ARSG: variants seen among roughly 807,000 people sequenced by gnomAD.
ARSG encodes the protein ASG.
In ARSG, 37 loss-of-function variants were observed where a neutral mutation model predicts 50.5. The observed-to-expected ratio is 0.73, with a 90% CI of 0.56 to 0.96. The LOEUF (loss-of-function observed/expected upper bound fraction) is 0.96. Ranked by LOEUF, ARSG falls within the 50% of genes least tolerant of loss-of-function variation. The probability of loss-of-function intolerance (pLI) is 0.00; values close to 1 mark genes in which losing one functional copy is unlikely to be tolerated. For missense variants in ARSG, 629 were observed against 675.3 expected, an observed-to-expected ratio of 0.93 and a Z score of 0.76; for synonymous variants, 225 against 254.6, an observed-to-expected ratio of 0.88 and a Z score of 1.11.
chr17:68,409,428 T>A (rs2081902671), intron 11 of ARSG, among the ~76,000 whole-genome samples: 1 of 150,660 alleles, frequency 6.6e-6, no homozygotes. Flanking sequence ...GATCAGATAG[T>A]TGTAGATATG....
chr17:68,438,864 T>C, the ARSG span, among the ~76,000 whole-genome samples: 2 of 152,272 alleles, frequency 1.3e-5, no homozygotes, highest in African/African-American at 4.8e-5. Flanking sequence ...CCTCCCAAAG[T>C]GCTGGGATTA....
At position 68,278,031 on chromosome 17, in the gene ARSG, T is replaced by C. The variant is rs570078233; in HGVS notation, c.-552+18605T>C. 41 of 1,168,810 alleles carry C rather than the reference T, an allele frequency of 3.5e-5. No homozygotes were observed. In the Admixed American group the frequency reaches 7.4e-4, roughly 21 times the overall value. The allele number at this position is 1,168,810 out of a possible 1,614,324, so 72.4% of individuals were successfully genotyped here. On this transcript the variant is annotated intron_variant, in intron 1 of 11. Coordinates refer to the ARSG transcript ENST00000448504. ...AACACATCGACTACCATTACCAAGG[T>C]AGCCAAATTAAAAGGGCCCTATACT...
chr17:68,324,069 TC>T (rs2077402103), intron 2 of ARSG, among the ~76,000 whole-genome samples: 1 of 27,750 alleles, frequency 3.6e-5, no homozygotes, highest in African/African-American at 1.5e-4. Flanking sequence ...CAAAACTCCA[TC>T]AAAAAAAAAA....
chr17:68,282,408 C>T (rs1410826474), intron 1 of ARSG, among the ~76,000 whole-genome samples: 20 of 151,572 alleles, frequency 1.3e-4, no homozygotes, highest in Admixed American at 1.3e-3. Flanking sequence ...TGTTAAATGA[C>T]GAGTTAATGG....
At chr17:68,391,910 A>G (rs2081010531) in intron 9 of ARSG, among the ~76,000 whole-genome samples, 1 of 152,202 alleles carries the variant, frequency 6.6e-6, no homozygotes, top group African/African-American at 2.4e-5. Flanking sequence ...ACTGTAGTCA[A>G]TGGAGAGATT....
At chr17:68,279,527 A>G (rs984912799) in intron 1 of ARSG, among the ~76,000 whole-genome samples, 1 of 152,074 alleles carries the variant, frequency 6.6e-6, no homozygotes, top group Admixed American at 6.6e-5. Context: ...ACATGATGAT[A>G]CTCTAGAATA....
chr17:68,345,028 A>G (rs183713159), intron 3 of ARSG, among the ~76,000 whole-genome samples: 102 of 152,310 alleles, frequency 6.7e-4, no homozygotes, highest in Middle Eastern at 3.4e-3. Flanking sequence ...GGAGAGACCA[A>G]TTAAGGTCAC....
At chr17:68,278,474 G>T (rs1327689050) in intron 1 of ARSG, 2 of 605,536 alleles carry the variant, frequency 3.3e-6, no homozygotes, top group Admixed American at 3.0e-5. Flanking sequence ...TATTGAGATG[G>T]AGTCTTGCTC....
the ARSG span, among the ~76,000 whole-genome samples, chr17:68,442,466 A>G: frequency 2.5e-3 from 349 of 140,730 alleles, 1 homozygote; most frequent in African/African-American, 7.8e-3. Context: ...CTGTGTCTCA[A>G]AAAAAAAAAA....
intron 1 of ARSG, among the ~76,000 whole-genome samples, chr17:68,298,783 G>A (rs1388053695): frequency 6.6e-6 from 1 of 152,058 alleles, no homozygotes; most frequent in African/African-American, 2.4e-5. Flanking sequence ...ACATGGCAGA[G>A]AGAGTGAGCA....
At chr17:68,421,403 A>G (rs2082763000), downstream of ARSG, 1 of 233,438 alleles carries the variant, frequency 4.3e-6, no homozygotes. Flanking sequence ...AGTATGTAAT[A>G]TACAAGAAAT....
chr17:68,324,263 C>A (rs552549418), intron 2 of ARSG, among the ~76,000 whole-genome samples: 1 of 152,052 alleles, frequency 6.6e-6, no homozygotes, highest in Non-Finnish European at 1.5e-5. Context: ...ACCACGCTGA[C>A]ATTCTGGTTC....
Position 68,307,696 on chromosome 17 carries a change from C to T in ARSG, c.203C>T (p.Ala68Val). Residue 68 changes from alanine (A) to valine (V), a missense_variant, in exon 2 of 12, where the codon GCT (alanine) becomes GTT (valine). Physicochemically the swap from Ala to Val is moderately conservative, Grantham distance 64. Coordinates refer to ENST00000621439, the MANE Select transcript of ARSG (RefSeq NM_001267727.2). ...GACACTGCCAACCTTGATAAGATGG[C>T]TTCGGAGGGAATGAGGTGAGTCTTG... The part of the protein sequence containing the change: ...TKDTANLDKM[A>V]SEGMRFVDFH... The T allele has an allele frequency of 6.3e-7, 1 of 1,582,762 alleles. No individual in the cohort carries two copies. The highest frequency in any genetic ancestry group is 8.7e-7 in the Non-Finnish European group (1 of 1,151,788).
intron 1 of ARSG, among the ~76,000 whole-genome samples, chr17:68,285,271 G>A (rs2075814601): frequency 6.6e-6 from 1 of 152,096 alleles, no homozygotes. Context: ...TTTAATGGAG[G>A]GCTCAGGACC....
Position 68,415,617 on chromosome 17 carries a change from G to A in ARSG, c.1304-4572G>A, listed in dbSNP as rs1228319394. The stretch of plus-strand genomic sequence containing the variant: ...TGACCTGTCTAGTGCTGTCAGTGGA[G>A]TATTGAAGTCCCCCACTATTATTGT... On this transcript the variant is annotated intron_variant, in intron 11 of 11. Coordinates refer to ENST00000621439, the MANE Select transcript of ARSG (RefSeq NM_001267727.2). Among the ~76,000 whole-genome samples the A allele has an allele frequency of 3.3e-5, 5 of 152,156 alleles. No homozygotes were observed. The East Asian group carries it at 9.6e-4, about 29-fold the overall frequency.
chr17:68,312,533 C>G (rs2076905459), intron 2 of ARSG, among the ~76,000 whole-genome samples: 1 of 151,828 alleles, frequency 6.6e-6, no homozygotes, highest in South Asian at 2.1e-4. Flanking sequence ...CATGTGCTGT[C>G]TCTACTGTCA....
intron 4 of ARSG, among the ~76,000 whole-genome samples, chr17:68,348,878 G>A (rs2078629160): frequency 6.6e-6 from 1 of 152,148 alleles, no homozygotes; most frequent in African/African-American, 2.4e-5. Flanking sequence ...CTCAGGTCAG[G>A]GCTCCTGCAA....
At chr17:68,337,315 G>A (rs1007074797) in intron 2 of ARSG, among the ~76,000 whole-genome samples, 4 of 152,164 alleles carry the variant, frequency 2.6e-5, no homozygotes, top group African/African-American at 9.7e-5. Flanking sequence ...CAGCTTTTAG[G>A]CATTAGTTTA....
the ARSG span, chr17:68,435,675 A>G: frequency 6.2e-7 from 1 of 1,614,224 alleles, no homozygotes; most frequent in Non-Finnish European, 8.5e-7. Context: ...GATGGCAGCT[A>G]GTGTTCCCTC....
Sources: gnomAD v4.1 joint callset for allele counts (sites outside exome capture counted in the v4.1 genomes callset) on GRCh38, gnomAD v4.1.1 for gene constraint, MANE v1.5 for transcripts, NCBI Gene and HGNC (gene_info 2026-07-23, HGNC 2026-07-21) for gene names.